NTM: variants seen among roughly 807,000 people sequenced by gnomAD.
The protein encoded by NTM is IgLON family member 2.
A neutral mutation model predicts 42.1 loss-of-function variants in NTM; 13 were observed. The ratio of observed to expected loss-of-function variants is 0.31; its 90% CI spans 0.20 to 0.49. NTM has a LOEUF of 0.49. NTM is among the 20% of genes least tolerant of loss of function. NTM has a pLI of 0.99. For missense variants in NTM, 373 were observed against 452.8 expected (o/e 0.82, Z 1.60); for synonymous variants, 187 against 179.2 (o/e 1.04, Z -0.35).
intron 1 of NTM, among the ~76,000 whole-genome samples, chr11:131,893,493 G>T (rs2051718263): frequency 6.6e-6 from 1 of 152,130 alleles, no homozygotes. Context: ...TAACAGGCTG[G>T]GTCTGCCAAT....
chr11:132,089,615 T>A (rs1478937619), intron 2 of NTM, among the ~76,000 whole-genome samples: 1 of 152,356 alleles, frequency 6.6e-6, no homozygotes, highest in African/African-American at 2.4e-5. Flanking sequence ...TGCCCTGGGC[T>A]TCGTCTTCAA....
At chr11:131,832,587 G>A (rs1051501332) in intron 1 of NTM, among the ~76,000 whole-genome samples, 3 of 152,116 alleles carry the variant, frequency 2.0e-5, no homozygotes, top group Non-Finnish European at 4.4e-5. Context: ...TGGATATGAG[G>A]CAGCTTAGTG....
intron 3 of NTM, among the ~76,000 whole-genome samples, chr11:132,160,006 A>C (rs2073970225): frequency 6.6e-6 from 1 of 152,166 alleles, no homozygotes; most frequent in South Asian, 2.1e-4. Flanking sequence ...TCAAATGAAA[A>C]ATGGGAAACA....
intron 1 of NTM, among the ~76,000 whole-genome samples, chr11:131,874,030 A>AAT (rs59083400): frequency 0.017 from 1,262 of 76,406 alleles, 43 homozygotes; most frequent in Admixed American, 0.043. Context: ...AATATAATAT[A>AAT]ATATATATAT....
At chr11:132,304,554 G>A (rs1029810388) in intron 4 of NTM, among the ~76,000 whole-genome samples, 3 of 152,184 alleles carry the variant, frequency 2.0e-5, no homozygotes, top group African/African-American at 7.2e-5. Context: ...TTGCAGTTTA[G>A]TGTTTTGGGG....
intron 2 of NTM, among the ~76,000 whole-genome samples, chr11:132,094,388 G>A (rs941189796): frequency 3.3e-5 from 5 of 152,146 alleles, no homozygotes; most frequent in African/African-American, 1.2e-4. Flanking sequence ...TCCTATGACA[G>A]ACCTTCAGAT....
chr11:132,222,272 G>A (rs1026639706), intron 4 of NTM, among the ~76,000 whole-genome samples: 1 of 152,170 alleles, frequency 6.6e-6, no homozygotes, highest in African/African-American at 2.4e-5. Flanking sequence ...CTGGATGGCC[G>A]TGGCGCACAG....
intron 1 of NTM, among the ~76,000 whole-genome samples, chr11:131,855,820 C>T (rs1204537663): frequency 1.3e-5 from 2 of 152,190 alleles, no homozygotes; most frequent in African/African-American, 4.8e-5. Flanking sequence ...ACCCCCACCT[C>T]CCTGCATGGA....
intron 1 of NTM, among the ~76,000 whole-genome samples, chr11:131,857,061 T>G (rs1270484510): frequency 1.3e-5 from 2 of 152,222 alleles, no homozygotes; most frequent in African/African-American, 4.8e-5. Context: ...CTGTTTAACT[T>G]GGTTTAATCC....
At chr11:131,564,461 G>GA (rs1565644292) in intron 1 of NTM, among the ~76,000 whole-genome samples, 5 of 151,322 alleles carry the variant, frequency 3.3e-5, no homozygotes, top group African/African-American at 1.2e-4. Context: ...AGAGAGGGAG[G>GA]GAGAGAGAGA....
intron 1 of NTM, among the ~76,000 whole-genome samples, chr11:131,389,024 AAAAAG>A (rs58205309): frequency 4.4e-5 from 4 of 89,906 alleles, no homozygotes; most frequent in South Asian, 3.9e-4. Flanking sequence ...AAAAAAAAAA[AAAAAG>A]AAAAGAAAAG....
At chr11:132,045,038 A>G (rs2077792754) in intron 2 of NTM, among the ~76,000 whole-genome samples, 2 of 152,334 alleles carry the variant, frequency 1.3e-5, no homozygotes, top group South Asian at 4.1e-4. Context: ...TGAGGCCAGC[A>G]TTAGCCTGAT....
intron 1 of NTM, among the ~76,000 whole-genome samples, chr11:131,747,486 A>G (rs1326410783): frequency 2.0e-5 from 3 of 152,182 alleles, no homozygotes; most frequent in Non-Finnish European, 4.4e-5. Flanking sequence ...TCCCTATTAA[A>G]TGCAATAGCT....
In NTM at chr11:132,249,119, C is replaced by G. The variant is rs192349189; in HGVS notation, c.526+36972C>G. Among the ~76,000 whole-genome samples the G allele has an allele frequency of 2.0e-3, 304 of 152,320 alleles. 2 individuals are homozygous for G. Among genetic ancestry groups the G allele is most frequent in the South Asian group, 8.7e-3 (42 of 4,824 alleles). On this transcript the variant is annotated intron_variant, in intron 4 of 8. Transcript: ENST00000683400. ...CCTCTGAAAGTGATTTTGGCCTTGT[C>G]TTTTCTCTCCAAGCTCTCTCCAGAG... is the stretch of plus-strand genomic sequence containing the variant.
intron 2 of NTM, among the ~76,000 whole-genome samples, chr11:131,987,038 G>A (rs980204151): frequency 2.6e-5 from 4 of 152,136 alleles, no homozygotes; most frequent in African/African-American, 9.7e-5. Flanking sequence ...TTTATTCCAA[G>A]CAAATTTTGC....
chr11:131,450,707 G>C (rs114643522), intron 1 of NTM, among the ~76,000 whole-genome samples: 1,612 of 152,258 alleles, frequency 0.011, 27 homozygotes, highest in African/African-American at 0.037. Flanking sequence ...ACAGCACTTC[G>C]TATAATAGAT....
At chr11:131,377,045 G>A (rs563843903) in intron 1 of NTM, among the ~76,000 whole-genome samples, 9 of 152,280 alleles carry the variant, frequency 5.9e-5, no homozygotes, top group South Asian at 2.1e-4. Flanking sequence ...CAGCAGTACC[G>A]GAAGCAAGGG....
At chr11:131,657,997 T>C (rs1218643233) in intron 1 of NTM, among the ~76,000 whole-genome samples, 1 of 152,124 alleles carries the variant, frequency 6.6e-6, no homozygotes, top group Non-Finnish European at 1.5e-5. Flanking sequence ...AGGGGCCAGG[T>C]GGCACTTAAG....
chr11:131,639,594 G>A lies in NTM; in HGVS notation c.82+268706G>A, dbSNP rs146767933. ...AAGAATCTCTTTCTGAAGCACAACC[G>A]TTGCCTCTGCCCCACCATGCAAAGA... is the stretch of plus-strand genomic sequence containing the variant. On this transcript the variant is annotated intron_variant, in intron 1 of 8. Coordinates refer to ENST00000683400, the MANE Select transcript of NTM (RefSeq NM_001352005.2). Among the ~76,000 whole-genome samples the A allele has an allele frequency of 5.5e-4, 83 of 152,176 alleles. 1 individual carries two copies. The highest frequency in any genetic ancestry group is 1.8e-3 in the African/African-American group (75 of 41,528).
Sources: allele counts gnomAD v4.1 joint callset (sites outside exome capture counted in the v4.1 genomes callset), GRCh38; gene constraint gnomAD v4.1.1; transcripts MANE v1.5; gene names NCBI Gene and HGNC (gene_info 2026-07-23, HGNC 2026-07-21).